The following FKBP15 variants were observed in gnomAD, a reference collection of about 807,000 sequenced individuals.
The protein encoded by FKBP15 is FKBP prolyl isomerase family member 15.
Under a neutral mutation model 158.1 loss-of-function variants are expected in FKBP15, and 106 were observed. The observed-to-expected ratio is 0.67, with a 90% confidence interval of 0.57 to 0.79. The LOEUF (loss-of-function observed/expected upper bound fraction) is 0.79. Among genes scored for constraint, FKBP15 ranks in the 30% least tolerant of loss-of-function variants. The probability of loss-of-function intolerance (pLI) is 0.00; values close to 1 mark genes in which losing one functional copy is unlikely to be tolerated. For missense variants in FKBP15, 1,287 were observed against 1,479.1 expected (o/e 0.87, Z 2.13); for synonymous variants, 547 against 548.6 (o/e 1.00, Z 0.04).
chr9:113,198,936 C>A lies in FKBP15; in HGVS notation c.649-13G>T, dbSNP rs773442349. ...TGGAGTCGAAAACCTGCAATTTGAT[C>A]GAAGGAAATTAGGCCAGCCAATTTC... On this transcript the variant is annotated splice_polypyrimidine_tract_variant and intron_variant, in intron 7 of 27. Transcript: ENST00000238256. This position sits in a 1 kb window ranked among gnomAD's most constrained non-coding sequence, Gnocchi z 5.2. 24 of 1,586,604 alleles carry A rather than the reference C, an allele frequency of 1.5e-5. No individual in the cohort carries two copies. The highest frequency in any genetic ancestry group is 2.7e-5 in the African/African-American group (2 of 74,406).
At chr9:113,189,967 C>A (rs1564168091) in intron 12 of FKBP15, among the ~76,000 whole-genome samples, 1 of 151,912 alleles carries the variant, frequency 6.6e-6, no homozygotes, top group South Asian at 2.1e-4. Flanking sequence ...AAGCAAATAA[C>A]AAGGGGAGAA....
intron 2 of FKBP15, among the ~76,000 whole-genome samples, chr9:113,209,995 C>T (rs940780353): frequency 6.6e-6 from 1 of 152,212 alleles, no homozygotes; most frequent in African/African-American, 2.4e-5. Context: ...ATGGAGCCTA[C>T]AGCTAACCTG....
Position 113,184,579 on chromosome 9 carries a change from G to A in FKBP15, c.1608+116C>T, listed in dbSNP as rs1830453998. On this transcript the variant is annotated intron_variant, in intron 16 of 27. Coordinates refer to ENST00000238256, the MANE Select transcript of FKBP15 (RefSeq NM_015258.2). This position sits in a 1 kb window ranked among gnomAD's most constrained non-coding sequence, Gnocchi z 4.5. ...ACATAATTATAACTATCCTTGTAGG[G>A]AAATAACCTCTCACTACTACCAATG... 1 of 960,948 alleles carries A rather than the reference G, an allele frequency of 1.0e-6. No homozygotes were observed. Among genetic ancestry groups the A allele is most frequent in the Admixed American group, 2.1e-5 (1 of 46,726 alleles). The allele number at this position is 960,948 out of a possible 1,614,324, so 59.5% of individuals were successfully genotyped here. A position where few individuals can be genotyped will look rare whatever the true frequency, so the allele number is the denominator to read the frequency against.
Position 113,186,370 on chromosome 9 carries a change from A to C in FKBP15, c.1384-7T>G. On this transcript the variant is annotated splice_polypyrimidine_tract_variant and splice_region_variant and intron_variant, in intron 14 of 27. Transcript: ENST00000238256. ...CTTGCATACCTGCATAGGGCTGAGA[A>C]ACTGACGAGTTACCACTGGTTGATA... The C allele has an allele frequency of 6.5e-7, 1 of 1,528,400 alleles. No individual in the cohort carries two copies. Among genetic ancestry groups the C allele is most frequent in the Non-Finnish European group, 8.9e-7 (1 of 1,124,584 alleles). 94.7% of individuals were successfully genotyped at this position (1,528,400 alleles called of 1,614,324 possible).
At chr9:113,193,352 TA>T in intron 11 of FKBP15, 139 bp downstream of exon 11, 16 of 500,800 alleles carry the variant, frequency 3.2e-5, no homozygotes, top group South Asian at 8.9e-5. Flanking sequence ...TTTTTTTTTT[TA>T]AAGGAGAGAC....
At chr9:113,215,645 T>TATA (rs1491457849) in intron 1 of FKBP15, among the ~76,000 whole-genome samples, 3 of 44,612 alleles carry the variant, frequency 6.7e-5, no homozygotes, top group Non-Finnish European at 9.3e-5. Flanking sequence ...TATATATATA[T>TATA]TTTTTTTTTT....
chr9:113,206,312 G>A (rs1192554534), intron 4 of FKBP15, 197 bp downstream of exon 4: 2 of 568,944 alleles, frequency 3.5e-6, no homozygotes, highest in Non-Finnish European at 6.2e-6. Flanking sequence ...AATTTTGAAT[G>A]GTTGGATTTG....
rs775984381 is a variant in FKBP15 at position 113,176,646 on chromosome 9, T to C, written c.2114A>G (p.Gln705Arg). The C allele has an allele frequency of 3.7e-6, 6 of 1,608,430 alleles. No homozygotes were observed. Among genetic ancestry groups the C allele is most frequent in the South Asian group, 1.1e-5 (1 of 89,792 alleles). ...CTGCTTTTCACTTTTGAATTTGGAC[T>C]GTGCTTGCTCAGAGGTTTCTTGGAG... ...SELQETSEQAQSKFKSEKQNR... is the reference protein window; with the variant it reads ...SELQETSEQARSKFKSEKQNR... Residue 705 changes from glutamine to arginine, a missense_variant, in exon 21 of 28, where the codon CAG becomes CGG. By Grantham distance (43) the Gln-to-Arg change is conservative. Transcript: ENST00000238256.
chr9:113,178,931 T>A, intron 19 of FKBP15, 130 bp from the exon 20 acceptor site: 1 of 815,944 alleles, frequency 1.2e-6, no homozygotes. Context: ...CAACCTGCAT[T>A]AAACCAAATT....
intron 4 of FKBP15, among the ~76,000 whole-genome samples, chr9:113,203,340 T>C (rs1830829417): frequency 6.6e-6 from 1 of 152,142 alleles, no homozygotes; most frequent in African/African-American, 2.4e-5. Flanking sequence ...ATACAAATTG[T>C]TTTTAAATTG....
chr9:113,171,637 T>C lies in FKBP15; in HGVS notation c.2602A>G (p.Lys868Glu), dbSNP rs542844568. Residue 868 changes from lysine to glutamate, a missense_variant, in exon 24 of 28, where the codon AAG (lysine) becomes GAG (glutamate). Lys to Glu is a moderately conservative substitution (Grantham distance 56). Coordinates refer to ENST00000238256, the MANE Select transcript of FKBP15 (RefSeq NM_015258.2). ...QNEQHIKELE[K>E]NKSQMSGVEA... ...ACCCCAGACATCTGGGACTTGTTCT[T>C]CTCTAGTTCCTTGATGTGCTGTTCA... 1 of 1,605,408 alleles carries C rather than the reference T, an allele frequency of 6.2e-7. No individual in the cohort carries two copies. Among genetic ancestry groups the C allele is most frequent in the South Asian group, 1.1e-5 (1 of 89,130 alleles).
At position 113,194,079 on chromosome 9, in the gene FKBP15, G is replaced by C; in HGVS notation, c.955C>G (p.Leu319Val). Residue 319 changes from leucine (L) to valine (V), a missense_variant, in exon 10 of 28, where the codon CTC becomes GTC. By Grantham distance (32) the Leu-to-Val change is conservative (BLOSUM62 1). Transcript: ENST00000238256. ...GGTGACACAACAGGATCAGCAGAGA[G>C]GTTGTCAGCACCAGGGATGGGAGAC... ...APSPIPGADN[L>V]SADPVVSPPT... The C allele has an allele frequency of 5.0e-6, 8 of 1,613,630 alleles. No individual in the cohort carries two copies. Among genetic ancestry groups the C allele is most frequent in the Non-Finnish European group, 6.8e-6 (8 of 1,179,642 alleles).
intron 13 of FKBP15, among the ~76,000 whole-genome samples, chr9:113,188,142 T>C (rs917783394): frequency 1.3e-5 from 2 of 152,148 alleles, no homozygotes; most frequent in Non-Finnish European, 2.9e-5. Context: ...CAGGGAGATG[T>C]CTCAATAGCT....
rs555458703 is a variant in FKBP15, at chr9:113,165,946, TGA to T, written c.*130_*131del. The T allele has an allele frequency of 2.3e-5, 18 of 786,020 alleles. No individual in the cohort carries two copies. The highest frequency in any genetic ancestry group is 2.8e-5 in the Non-Finnish European group (14 of 502,604). 48.7% of individuals were successfully genotyped at this position (786,020 alleles called of 1,614,324 possible). On this transcript the variant is annotated 3_prime_UTR_variant, in exon 28 of 28. Coordinates refer to ENST00000238256, the MANE Select transcript of FKBP15 (RefSeq NM_015258.2). ...CTCAGAAGGTGGCCAACCCACCCTCTGAGCCCAAATATTGTTCCCAGAATGCT... is the reference window on the plus strand; with the variant it reads ...CTCAGAAGGTGGCCAACCCACCCTCTGCCCAAATATTGTTCCCAGAATGCT...
chr9:113,202,244 A>AT (rs138220052), intron 6 of FKBP15, among the ~76,000 whole-genome samples: 16,747 of 152,242 alleles, frequency 0.11, 1,082 homozygotes, highest in Non-Finnish European at 0.15. Context: ...AGTTTTATTT[A>AT]TTCCTTAAGA....
chr9:113,165,830 CTACCAG>C lies in FKBP15; in HGVS notation c.*242_*247del, dbSNP rs1830089426. 1 of 427,056 alleles carries C rather than the reference CTACCAG, an allele frequency of 2.3e-6. No individual in the cohort carries two copies. Among genetic ancestry groups the C allele is most frequent in the Non-Finnish European group, 4.3e-6 (1 of 229,924 alleles). 26.5% of individuals were successfully genotyped at this position (427,056 alleles called of 1,614,324 possible). On this transcript the variant is annotated 3_prime_UTR_variant, in exon 28 of 28. Transcript: ENST00000238256. Reference sequence around the variant, plus strand: ...ACAGGTGACTGGCTTGGAGGGGAACCTACCAGTCCTTCTTCCAACTTGCTGCTGAAA... The same window carrying C: ...ACAGGTGACTGGCTTGGAGGGGAACCTCCTTCTTCCAACTTGCTGCTGAAA...
At chr9:113,167,240 A>G (rs535920699) in intron 27 of FKBP15, among the ~76,000 whole-genome samples, 1 of 152,306 alleles carries the variant, frequency 6.6e-6, no homozygotes, top group Non-Finnish European at 1.5e-5. Context: ...AAATGGGATA[A>G]AAGTACCTAC....
intron 18 of FKBP15, among the ~76,000 whole-genome samples, chr9:113,183,289 C>A (rs958551626): frequency 1.3e-5 from 2 of 152,010 alleles, no homozygotes; most frequent in African/African-American, 4.8e-5. Context: ...TTCCACTCAT[C>A]CTCCCCACCC....
intron 4 of FKBP15, 186 bp downstream of exon 4, chr9:113,206,323 T>C: frequency 1.7e-6 from 1 of 574,652 alleles, no homozygotes. Flanking sequence ...GTTGGATTTG[T>C]TTTAACGCAC....
Sources: gnomAD v4.1 joint callset for allele counts (sites outside exome capture counted in the v4.1 genomes callset) on GRCh38, gnomAD v4.1.1 for gene constraint, Gnocchi (gnomAD v3.1) non-coding constraint, MANE v1.5 for transcripts, NCBI Gene and HGNC (gene_info 2026-07-23, HGNC 2026-07-21) for gene names.